Variants in ADARB2 observed in about 807,000 individuals in gnomAD.
ADARB2 encodes adenosine deaminase RNA specific B2 (inactive).
ADARB2 carries 25 observed loss-of-function variants against 62.2 expected under a neutral mutation model. The observed-to-expected ratio is 0.40, with a 90% CI of 0.29 to 0.56. ADARB2 has a LOEUF of 0.56. ADARB2 is among the 20% of genes least tolerant of loss of function. The pLI, the probability that ADARB2 is intolerant of heterozygous loss-of-function variation, is 0.43. For synonymous variants in ADARB2, 572 were observed against 500.8 expected (o/e 1.14, Z -1.90); for missense variants, 1,071 against 1,077.4 (o/e 0.99, Z 0.08).
At position 1,505,028 on chromosome 10, in the gene ADARB2, C is replaced by T. The variant is rs532922735; in HGVS notation, c.101-125868G>A. Among the ~76,000 whole-genome samples the T allele has an allele frequency of 7.2e-5, 11 of 152,008 alleles. 1 individual carries two copies. The East Asian group carries it at 1.9e-3, about 27-fold the overall frequency. ...CACATGATGCACAAACACACAGACA[C>T]AGCCACACATGCACGACACACAGAC... is the stretch of plus-strand genomic sequence containing the variant. On this transcript the variant is annotated intron_variant, in intron 1 of 9. Coordinates refer to ENST00000381312, the MANE Select transcript of ADARB2 (RefSeq NM_018702.4).
intron 1 of ADARB2, among the ~76,000 whole-genome samples, chr10:1,379,744 C>T (rs1229561751): frequency 6.6e-6 from 1 of 152,176 alleles, no homozygotes. Flanking sequence ...GCGTCCTCAA[C>T]GCGGTGGCTG....
At chr10:1,243,976 A>T (rs968771014) in intron 4 of ADARB2, among the ~76,000 whole-genome samples, 8 of 152,150 alleles carry the variant, frequency 5.3e-5, no homozygotes, top group African/African-American at 1.2e-4. Context: ...TCAGAACAGG[A>T]CACGACCAGC....
At chr10:1,290,590 C>G (rs1273155827) in intron 3 of ADARB2, 1 of 152,192 alleles carries the variant, frequency 6.6e-6, no homozygotes, top group Non-Finnish European at 1.5e-5. Flanking sequence ...AGGTGCCTTC[C>G]AAGGGCTTTT....
At chr10:1,609,596 A>G (rs188041471) in intron 1 of ADARB2, among the ~76,000 whole-genome samples, 1 of 152,354 alleles carries the variant, frequency 6.6e-6, no homozygotes, top group East Asian at 1.9e-4. Context: ...AGGGTGTTTC[A>G]ATATTCACAT....
chr10:1,359,749 T>C lies in ADARB2; in HGVS notation c.1077+3279A>G, dbSNP rs146989241. ...GCCCTGCCATTCCAGGCTGAGGCTG[T>C]GAGCAGCACCATGACAAGCTCCAGC... On this transcript the variant is annotated intron_variant, in intron 3 of 9. Transcript: ENST00000381312. Among the ~76,000 whole-genome samples the C allele has an allele frequency of 5.0e-4, 76 of 152,312 alleles. 1 individual carries two copies. In the East Asian group the frequency reaches 0.011, roughly 23 times the overall value.
intron 1 of ADARB2, among the ~76,000 whole-genome samples, chr10:1,642,425 C>G (rs4880895): frequency 0.49 from 75,041 of 151,994 alleles, 20,743 homozygotes; most frequent in East Asian, 0.69. Context: ...TAAACATCGT[C>G]AACAGCAGAG....
At chr10:1,703,682 C>T (rs78633495) in intron 1 of ADARB2, among the ~76,000 whole-genome samples, 1 of 152,326 alleles carries the variant, frequency 6.6e-6, no homozygotes, top group Non-Finnish European at 1.5e-5. Context: ...CCTGAATCCT[C>T]AGATGAATTT....
chr10:1,306,197 C>T (rs1831626258), intron 3 of ADARB2, among the ~76,000 whole-genome samples: 1 of 151,460 alleles, frequency 6.6e-6, no homozygotes, highest in South Asian at 2.1e-4. Flanking sequence ...AGCTGATAAG[C>T]AACTTCAGCA....
intron 3 of ADARB2, among the ~76,000 whole-genome samples, chr10:1,315,203 G>A (rs1831727575): frequency 6.6e-6 from 1 of 152,200 alleles, no homozygotes; most frequent in Non-Finnish European, 1.5e-5. Flanking sequence ...CTTGCAGGGA[G>A]AGATCAGGAG....
intron 1 of ADARB2, among the ~76,000 whole-genome samples, chr10:1,528,263 G>A (rs1362104776): frequency 6.6e-6 from 1 of 152,212 alleles, no homozygotes; most frequent in African/African-American, 2.4e-5. Flanking sequence ...TAAACTGCTG[G>A]TCTACCCAGA....
chr10:1,495,540 G>A (rs1349576478), intron 1 of ADARB2, among the ~76,000 whole-genome samples: 1 of 152,166 alleles, frequency 6.6e-6, no homozygotes, highest in Admixed American at 6.5e-5. Flanking sequence ...GCTACATTTT[G>A]GCAGAACATA....
intron 3 of ADARB2, among the ~76,000 whole-genome samples, chr10:1,341,650 C>A (rs966140412): frequency 1.3e-5 from 2 of 150,312 alleles, no homozygotes; most frequent in African/African-American, 4.9e-5. Flanking sequence ...TGCCCTGCAA[C>A]GGCGATAATC....
At chr10:1,515,257 C>T (rs949608408) in intron 1 of ADARB2, among the ~76,000 whole-genome samples, 3 of 152,204 alleles carry the variant, frequency 2.0e-5, no homozygotes, top group Admixed American at 6.5e-5. Flanking sequence ...CAGGGGCAGG[C>T]GGGCACACAG....
intron 1 of ADARB2, among the ~76,000 whole-genome samples, chr10:1,459,461 C>G (rs571645275): frequency 6.6e-5 from 10 of 152,284 alleles, no homozygotes; most frequent in Admixed American, 6.5e-4. Flanking sequence ...CAAGTGAGAG[C>G]TAAATGGTGA....
At chr10:1,504,039 G>T (rs1330655194) in intron 1 of ADARB2, among the ~76,000 whole-genome samples, 1 of 152,180 alleles carries the variant, frequency 6.6e-6, no homozygotes. Flanking sequence ...AGGAGTTTTT[G>T]ATCATTCAGC....
At chr10:1,507,031 G>A (rs1831861132) in intron 1 of ADARB2, among the ~76,000 whole-genome samples, 1 of 152,200 alleles carries the variant, frequency 6.6e-6, no homozygotes, top group Admixed American at 6.5e-5. Flanking sequence ...GGCACTCAGG[G>A]ACCAACGTCC....
At chr10:1,233,891 A>G in intron 5 of ADARB2, 46 bp from the exon 6 acceptor site, 1 of 1,583,568 alleles carries the variant, frequency 6.3e-7, no homozygotes, top group Non-Finnish European at 8.6e-7. Flanking sequence ...AAACCAAACC[A>G]GAAATGTTCC....
chr10:1,603,963 C>G (rs1833463780), intron 1 of ADARB2, among the ~76,000 whole-genome samples: 1 of 151,972 alleles, frequency 6.6e-6, no homozygotes, highest in Non-Finnish European at 1.5e-5. Context: ...CACCATCATG[C>G]CTGACTAATT....
chr10:1,719,617 C>T lies in ADARB2; in HGVS notation c.100+17434G>A, dbSNP rs146042421. On this transcript the variant is annotated intron_variant, in intron 1 of 9. Coordinates refer to ENST00000381312, the MANE Select transcript of ADARB2 (RefSeq NM_018702.4). ...CATCAACAGAGCAACAGACAACCTA[C>T]GGATTGGGAGAAAATATTTGCAAAC... Among the ~76,000 whole-genome samples the T allele has an allele frequency of 1.5e-3, 231 of 152,274 alleles. 2 individuals carry two copies. Among genetic ancestry groups the T allele is most frequent in the African/African-American group, 5.3e-3 (222 of 41,558 alleles).
Sources: allele counts gnomAD v4.1 joint callset (sites outside exome capture counted in the v4.1 genomes callset), GRCh38; gene constraint gnomAD v4.1.1; transcripts MANE v1.5; gene names NCBI Gene and HGNC (gene_info 2026-07-23, HGNC 2026-07-21).